Variants in FGD4 observed in about 807,000 individuals in gnomAD.
FGD4 encodes FYVE, RhoGEF and PH domain-containing protein 4.
Under a neutral mutation model 102.0 loss-of-function variants are expected in FGD4, and 42 were observed. The ratio of observed to expected loss-of-function variants is 0.41; its 90% CI spans 0.32 to 0.53. The LOEUF (loss-of-function observed/expected upper bound fraction) is 0.53, where lower values mean the gene tolerates loss of function less well. FGD4 is among the 20% of genes least tolerant of loss of function. The probability of loss-of-function intolerance (pLI) is 0.21; values close to 1 mark genes in which losing one functional copy is unlikely to be tolerated. For synonymous variants in FGD4, 380 were observed against 375.7 expected, an observed-to-expected ratio of 1.01 and a Z score of -0.13; for missense variants, 902 against 1,078.2, an observed-to-expected ratio of 0.84 and a Z score of 2.29.
At chr12:32,407,650 A>T (rs906160083) in intron 1 of FGD4, among the ~76,000 whole-genome samples, 1 of 151,900 alleles carries the variant, frequency 6.6e-6, no homozygotes, top group Non-Finnish European at 1.5e-5. Flanking sequence ...TTGACTCCTC[A>T]TTGCACTTTT....
At chr12:32,459,063 A>G (rs1451876622) in intron 1 of FGD4, among the ~76,000 whole-genome samples, 1 of 152,180 alleles carries the variant, frequency 6.6e-6, no homozygotes, top group African/African-American at 2.4e-5. Context: ...TACCTTCAGA[A>G]ATCTCTTGAG....
chr12:32,608,547 T>C (rs1381595661), intron 8 of FGD4, among the ~76,000 whole-genome samples: 3 of 152,188 alleles, frequency 2.0e-5, no homozygotes, highest in Non-Finnish European at 4.4e-5. Context: ...TAACAGGAAA[T>C]GGTGCTTTTT....
chr12:32,520,440 G>GTTTTTTTTTT (rs1167066001), intron 1 of FGD4, among the ~76,000 whole-genome samples: 4 of 134,112 alleles, frequency 3.0e-5, no homozygotes, highest in Admixed American at 1.5e-4. Flanking sequence ...TTTGTTTTTT[G>GTTTTTTTTTT]TTTTTTTTTT....
At chr12:32,401,701 A>G (rs2733696) in intron 1 of FGD4, among the ~76,000 whole-genome samples, 80,654 of 148,786 alleles carry the variant, frequency 0.54, 22,834 homozygotes, top group African/African-American at 0.71. Context: ...TCTGTAAGGT[A>G]GCTCTGCTTT....
intron 4 of FGD4, among the ~76,000 whole-genome samples, chr12:32,589,850 C>T (rs1404231057): frequency 1.7e-5 from 2 of 118,806 alleles, no homozygotes; most frequent in Non-Finnish European, 3.3e-5. Flanking sequence ...AACTCTCACT[C>T]ATTGTTCTCC....
rs777156516 is a variant in FGD4, at chr12:32,399,892, G to A, written c.99G>A (p.Arg33=). 1.2e-4 allele frequency: 179 copies of A among 1,529,796 alleles called. No individual in the cohort carries two copies. Among genetic ancestry groups the A allele is most frequent in the Middle Eastern group, 7.2e-4 (4 of 5,584 alleles). The allele number at this position is 1,529,796 out of a possible 1,614,324, so 94.8% of individuals were successfully genotyped here. ...CCGGGGTGCCCCGGCCCTGGAGCAG[G>A]CCCGCGTCGCACCTGGGACGTGTAG... is the stretch of plus-strand genomic sequence containing the variant. ...LPPGVPRPWS[R]PASHLGRVGT... is the part of the protein sequence containing the mutation. The change falls in exon 1 of 17, where the codon AGG becomes AGA. Residue 33 remains arginine (R), a synonymous_variant. Transcript: ENST00000534526.
rs1392714547 is a variant in FGD4, at chr12:32,600,387, T to C, written c.1102-891T>C. On this transcript the variant is annotated intron_variant, in intron 5 of 16. Coordinates refer to ENST00000534526, the MANE Select transcript of FGD4 (RefSeq NM_001370298.3). ...TATTGGAGCCTCTAAGGACATAATTTTTTGTTCTTTTTGCCTCTCAAGAAA... is the reference window on the plus strand; with the variant it reads ...TATTGGAGCCTCTAAGGACATAATTCTTTGTTCTTTTTGCCTCTCAAGAAA... 5 of 1,150,746 alleles carry C rather than the reference T, an allele frequency of 4.3e-6. No individual in the cohort carries two copies. In the East Asian group the frequency reaches 1.7e-4, roughly 40 times the overall value. 71.3% of individuals were successfully genotyped at this position (1,150,746 alleles called of 1,614,324 possible). A position where few individuals can be genotyped will look rare whatever the true frequency, so the allele number is the denominator to read the frequency against.
chr12:32,444,084 G>T (rs1441872041), intron 1 of FGD4, among the ~76,000 whole-genome samples: 12 of 148,362 alleles, frequency 8.1e-5, no homozygotes, highest in African/African-American at 3.0e-4. Flanking sequence ...GAGTACAGTG[G>T]TGCCATCATG....
At chr12:32,626,219 C>T (rs1028940981) in intron 14 of FGD4, among the ~76,000 whole-genome samples, 1 of 152,102 alleles carries the variant, frequency 6.6e-6, no homozygotes, top group South Asian at 2.1e-4. Context: ...CCGAGGCAGG[C>T]AGATCACCTG....
chr12:32,545,775 A>G (rs1338012955), intron 1 of FGD4, among the ~76,000 whole-genome samples: 1 of 152,152 alleles, frequency 6.6e-6, no homozygotes, highest in African/African-American at 2.4e-5. Context: ...GTGCTTGTTG[A>G]ATTCATATCT....
chr12:32,564,110 C>A lies in FGD4; in HGVS notation c.167-27C>A, dbSNP rs1300025648. 4 of 1,530,928 alleles carry A rather than the reference C, an allele frequency of 2.6e-6. No homozygotes were observed. The South Asian group carries it at 4.8e-5, about 18-fold the overall frequency. 94.8% of individuals were successfully genotyped at this position (1,530,928 alleles called of 1,614,324 possible). On this transcript the variant is annotated intron_variant, in intron 1 of 16. Transcript: ENST00000534526. Reference sequence around the variant, plus strand: ...TATTGTGATATGCCTCCATACTTACCTGCCCTTTCTTTCTGAACTCTTGCA... The same window carrying A: ...TATTGTGATATGCCTCCATACTTACATGCCCTTTCTTTCTGAACTCTTGCA...
intron 10 of FGD4, 43 bp from the exon 11 acceptor site, chr12:32,619,655 C>T: frequency 6.2e-7 from 1 of 1,607,820 alleles, no homozygotes; most frequent in Non-Finnish European, 8.5e-7. Flanking sequence ...ATCAGTTTCC[C>T]CTATTTCTTT....
At chr12:32,571,229 C>T (rs1379574096) in intron 2 of FGD4, among the ~76,000 whole-genome samples, 3 of 152,012 alleles carry the variant, frequency 2.0e-5, no homozygotes, top group African/African-American at 4.8e-5. Context: ...CTGAGGCAGG[C>T]GGATCACCTG....
At chr12:32,517,596 T>C (rs1940029444) in intron 1 of FGD4, among the ~76,000 whole-genome samples, 2 of 152,170 alleles carry the variant, frequency 1.3e-5, no homozygotes, top group African/African-American at 2.4e-5. Context: ...GTGTAGGAGA[T>C]ATGATTAGTC....
intron 10 of FGD4, among the ~76,000 whole-genome samples, chr12:32,616,379 C>T (rs77481838): frequency 1.7e-3 from 252 of 152,332 alleles, no homozygotes; most frequent in African/African-American, 5.8e-3. Flanking sequence ...TACTTTAAGC[C>T]ATCAAACATA....
rs536442424 is a variant in FGD4, at chr12:32,573,404, A to AT, written c.320-2854dup. On this transcript the variant is annotated intron_variant, in intron 2 of 16. Coordinates refer to ENST00000534526, the MANE Select transcript of FGD4 (RefSeq NM_001370298.3). ...GCCGCCGCCCCTGGCCTGGTATTGG[A>AT]TTTTTTTTGCGTCGTAAGTACATAG... is the stretch of plus-strand genomic sequence containing the variant. Among the ~76,000 whole-genome samples, 755 of 151,828 alleles carry AT rather than the reference A, an allele frequency of 5.0e-3. 7 individuals are homozygous for AT. The highest frequency in any genetic ancestry group is 0.024 in the South Asian group (113 of 4,804).
At chr12:32,439,557 G>C (rs150368913) in intron 1 of FGD4, among the ~76,000 whole-genome samples, 73 of 152,192 alleles carry the variant, frequency 4.8e-4, no homozygotes, top group African/African-American at 1.7e-3. Context: ...TCCCATAATG[G>C]CTATACTAAT....
chr12:32,419,742 T>C (rs913003340), intron 1 of FGD4, among the ~76,000 whole-genome samples: 4 of 152,218 alleles, frequency 2.6e-5, no homozygotes, highest in African/African-American at 9.6e-5. Context: ...ACTCAAGCTC[T>C]GACTGCTATG....
intron 1 of FGD4, among the ~76,000 whole-genome samples, chr12:32,515,949 G>A (rs1200934768): frequency 2.0e-5 from 3 of 152,166 alleles, no homozygotes; most frequent in African/African-American, 4.8e-5. Context: ...TTCAACAAAC[G>A]TGACAATCGT....
Sources: allele counts gnomAD v4.1 joint callset (sites outside exome capture counted in the v4.1 genomes callset), GRCh38; gene constraint gnomAD v4.1.1; transcripts MANE v1.5; gene names NCBI Gene and HGNC (gene_info 2026-07-23, HGNC 2026-07-21).